The following ALPK2 variants were observed in gnomAD, a reference collection of about 807,000 sequenced individuals.
ALPK2 encodes the protein alpha kinase 2.
ALPK2 carries 127 observed loss-of-function variants against 163.1 expected under a neutral mutation model. That is an observed-to-expected ratio of 0.78 (90% CI 0.67 to 0.90). The LOEUF is 0.90. Ranked by LOEUF, ALPK2 falls within the 40% of genes least tolerant of loss-of-function variation. The probability of loss-of-function intolerance (pLI) is 0.00; values close to 1 mark genes in which losing one functional copy is unlikely to be tolerated. For synonymous variants in ALPK2, 953 were observed against 959.1 expected (o/e 0.99, Z 0.12); for missense variants, 2,360 against 2,589.6 (o/e 0.91, Z 1.92).
intron 4 of ALPK2, among the ~76,000 whole-genome samples, chr18:58,548,485 T>G (rs1389684362): frequency 6.6e-6 from 1 of 152,168 alleles, no homozygotes; most frequent in Non-Finnish European, 1.5e-5. Context: ...CATGGCCAGC[T>G]AATTTTTGTA....
intron 1 of ALPK2, among the ~76,000 whole-genome samples, chr18:58,613,110 A>G (rs2052142392): frequency 6.6e-6 from 1 of 152,144 alleles, no homozygotes; most frequent in Non-Finnish European, 1.5e-5. Flanking sequence ...CCATTTAGAA[A>G]CAGTTCTTCC....
intron 3 of ALPK2, among the ~76,000 whole-genome samples, chr18:58,598,409 G>A (rs996202053): frequency 2.0e-4 from 30 of 152,204 alleles, no homozygotes; most frequent in African/African-American, 5.1e-4. Flanking sequence ...GGGGAGGGGC[G>A]TGAGGTCCAA....
intron 3 of ALPK2, among the ~76,000 whole-genome samples, chr18:58,604,682 C>T (rs1395735137): frequency 6.6e-6 from 1 of 152,206 alleles, no homozygotes; most frequent in Non-Finnish European, 1.5e-5. Context: ...CGACGGAATA[C>T]TTTTCCTAGT....
At chr18:58,512,793 G>GGT (rs1341622022) in intron 10 of ALPK2, among the ~76,000 whole-genome samples, 1 of 134,992 alleles carries the variant, frequency 7.4e-6, no homozygotes, top group Non-Finnish European at 1.6e-5. Context: ...GGTGTGTGGG[G>GGT]GTGTGTGTGA....
chr18:58,587,875 G>A (rs1018115875), intron 3 of ALPK2, among the ~76,000 whole-genome samples: 1 of 152,202 alleles, frequency 6.6e-6, no homozygotes, highest in Non-Finnish European at 1.5e-5. Flanking sequence ...ATGATAGCTT[G>A]AAAGTTTGGA....
chr18:58,501,493 G>A (rs1282364962), intron 11 of ALPK2, among the ~76,000 whole-genome samples: 1 of 152,200 alleles, frequency 6.6e-6, no homozygotes, highest in Admixed American at 6.5e-5. Flanking sequence ...TTTCCCAGCT[G>A]GCTTGCAAGG....
chr18:58,532,667 A>G (rs1273324013), intron 5 of ALPK2, among the ~76,000 whole-genome samples: 1 of 152,194 alleles, frequency 6.6e-6, no homozygotes, highest in Non-Finnish European at 1.5e-5. Context: ...GCATTGCCTC[A>G]TTTTTTATTT....
At chr18:58,544,624 AGT>A (rs1568081076) in intron 4 of ALPK2, 1 of 152,264 alleles carries the variant, frequency 6.6e-6, no homozygotes, top group African/African-American at 2.4e-5. Flanking sequence ...TCCAGGACAG[AGT>A]GTGGAAGGTC....
intron 3 of ALPK2, among the ~76,000 whole-genome samples, chr18:58,600,417 T>C (rs1350605889): frequency 6.6e-6 from 1 of 152,228 alleles, no homozygotes; most frequent in East Asian, 1.9e-4. Context: ...GTTTTTCAGA[T>C]GTCTGGCAAA....
Position 58,536,029 on chromosome 18 carries a change from A to G in ALPK2, c.4158T>C (p.Thr1386=), listed in dbSNP as rs772530514. The change falls in exon 5 of 13, where the codon ACT becomes ACC. Residue 1386 remains threonine, a synonymous_variant. Transcript: ENST00000361673. ...QEEKQLKMDH[T]AFFKKFLTCP... ...AGGTCAGAAACTTTTTAAAGAAGGC[A>G]GTGTGATCCATCTTGAGTTGTTTTT... 8.7e-6 allele frequency: 14 copies of G among 1,613,810 alleles called. No homozygotes were observed. The Admixed American group carries it at 2.0e-4, about 23-fold the overall frequency.
chr18:58,483,229 A>G (rs574472508), intron 12 of ALPK2, among the ~76,000 whole-genome samples: 10 of 152,308 alleles, frequency 6.6e-5, no homozygotes, highest in South Asian at 2.1e-4. Flanking sequence ...ATGTAAACCT[A>G]TGAGGTCCAC....
At chr18:58,483,015 T>G (rs1258266932) in intron 12 of ALPK2, among the ~76,000 whole-genome samples, 1 of 152,078 alleles carries the variant, frequency 6.6e-6, no homozygotes, top group African/African-American at 2.4e-5. Flanking sequence ...ACAAATCCCA[T>G]GTACACACTG....
chr18:58,555,528 G>C (rs186419900), intron 4 of ALPK2, among the ~76,000 whole-genome samples: 1 of 152,300 alleles, frequency 6.6e-6, no homozygotes, highest in African/African-American at 2.4e-5. Flanking sequence ...ACTTTGAATA[G>C]CACCATTATT....
chr18:58,503,488 T>A (rs2051443929), intron 11 of ALPK2, among the ~76,000 whole-genome samples: 1 of 152,168 alleles, frequency 6.6e-6, no homozygotes, highest in South Asian at 2.1e-4. Flanking sequence ...GCCCAGTAGT[T>A]CGAGACCAGC....
intron 12 of ALPK2, among the ~76,000 whole-genome samples, chr18:58,490,364 G>T (rs763644272): frequency 6.6e-6 from 1 of 152,132 alleles, no homozygotes; most frequent in South Asian, 2.1e-4. Flanking sequence ...GGGCCAGTCA[G>T]GGGAGCCTCC....
chr18:58,521,689 G>A (rs1235264119), intron 8 of ALPK2, among the ~76,000 whole-genome samples: 18 of 137,758 alleles, frequency 1.3e-4, no homozygotes, highest in Admixed American at 3.2e-4. Flanking sequence ...GGGCAGTGGC[G>A]TGATCTCAGC....
chr18:58,608,390 T>C (rs1279571304), intron 2 of ALPK2, among the ~76,000 whole-genome samples: 2 of 152,234 alleles, frequency 1.3e-5, no homozygotes, highest in African/African-American at 2.4e-5. Context: ...GCTAATCCGG[T>C]AAAACCTCCG....
At chr18:58,561,939 A>G (rs553446637) in intron 4 of ALPK2, among the ~76,000 whole-genome samples, 19 of 152,152 alleles carry the variant, frequency 1.2e-4, no homozygotes, top group Non-Finnish European at 2.4e-4. Flanking sequence ...ACTTTCAACA[A>G]TCTGGATGCT....
rs755033005 is a variant in ALPK2 at position 58,579,946 on chromosome 18, G to C, written c.830C>G (p.Ser277Cys). 19 of 1,614,194 alleles carry C rather than the reference G, an allele frequency of 1.2e-5. No individual in the cohort carries two copies. The highest frequency in any genetic ancestry group is 1.6e-5 in the Non-Finnish European group (19 of 1,180,042). ...QKYISFSLPLSEATAHIYPGD... is the reference protein window; with the variant it reads ...QKYISFSLPLCEATAHIYPGD... ...TGGGTAAATGTGTGCAGTTGCCTCA[G>C]ATAGCGGGAGGCTGAAGCTAATGTA... The change falls in exon 4 of 13, where the codon TCT becomes TGT. Residue 277 changes from serine (S) to cysteine (C), a missense_variant. By Grantham distance (112) the Ser-to-Cys change is moderately radical. Coordinates refer to ENST00000361673, the MANE Select transcript of ALPK2 (RefSeq NM_052947.4).
Sources: gnomAD v4.1 joint callset for allele counts (sites outside exome capture counted in the v4.1 genomes callset) on GRCh38, gnomAD v4.1.1 for gene constraint, MANE v1.5 for transcripts, NCBI Gene and HGNC (gene_info 2026-07-23, HGNC 2026-07-21) for gene names.